Variants in ITGA3 observed in about 807,000 individuals in gnomAD.
ITGA3 encodes the protein integrin subunit alpha 3.
In ITGA3, 70 loss-of-function variants were observed where a neutral mutation model predicts 131.1. The ratio of observed to expected loss-of-function variants is 0.53; its 90% CI spans 0.44 to 0.65. ITGA3 has a LOEUF of 0.65. ITGA3 is among the 30% of genes least tolerant of loss of function. The probability of loss-of-function intolerance (pLI) is 0.00; values close to 1 mark genes in which losing one functional copy is unlikely to be tolerated. For missense variants in ITGA3, 1,098 were observed against 1,388.6 expected (o/e 0.79, Z 3.33); for synonymous variants, 537 against 571.6 (o/e 0.94, Z 0.86).
chr17:50,056,454 C>T lies in ITGA3; in HGVS notation c.15C>T (p.Pro5=), dbSNP rs1422341082. ...CGCTGGCAGCCATGGGCCCCGGCCC[C>T]AGCCGCGCGCCCCGCGCCCCACGCC... The part of the protein sequence containing the change: MGPG[P]SRAPRAPRLM... The change falls in exon 1 of 26, where the codon CCC becomes CCT. Residue 5 remains proline (P), a synonymous_variant. Transcript: ENST00000320031. The surrounding 1 kb of genome is among the most constrained non-coding windows in gnomAD (Gnocchi z 5.6). 4 of 1,534,756 alleles carry T rather than the reference C, an allele frequency of 2.6e-6. No homozygotes were observed. In the African/African-American group the frequency reaches 5.6e-5, roughly 22 times the overall value.
intron 20 of ITGA3, 86 bp downstream of exon 20, chr17:50,079,344 G>T: frequency 6.4e-7 from 1 of 1,560,334 alleles, no homozygotes; most frequent in South Asian, 1.2e-5. Context: ...ATACCCCTTT[G>T]GCAAGCTGTC....
Position 50,068,131 on chromosome 17 carries a change from G to T in ITGA3, c.490G>T (p.Val164Leu). Residue 164 changes from valine to leucine, a missense_variant, in exon 4 of 26, where the codon GTG becomes TTG. This residue lies in a region of ITGA3 where 356 missense variants were observed against 529.2 expected (regional missense o/e 0.67). Transcript: ENST00000320031. ...DQRRMVGKCYVRGNDLELDSS... is the reference protein window; with the variant it reads ...DQRRMVGKCYLRGNDLELDSS... ...GCGGCGCATGGTGGGCAAGTGCTAC[G>T]TGCGAGGCAATGACCTAGAGCTGGA... The T allele has an allele frequency of 6.2e-7, 1 of 1,614,180 alleles. No homozygotes were observed. The highest frequency in any genetic ancestry group is 8.5e-7 in the Non-Finnish European group (1 of 1,180,044).
At chr17:50,061,795 C>T (rs1313460625) in intron 1 of ITGA3, among the ~76,000 whole-genome samples, 1 of 152,104 alleles carries the variant, frequency 6.6e-6, no homozygotes, top group Non-Finnish European at 1.5e-5. Flanking sequence ...ATCCCAGTAA[C>T]TTGGGAGGCC....
intron 1 of ITGA3, 103 bp from the exon 2 acceptor site, chr17:50,063,974 C>G: frequency 6.8e-7 from 1 of 1,479,474 alleles, no homozygotes; most frequent in Non-Finnish European, 9.1e-7. Flanking sequence ...CTGGGGGTCT[C>G]CTGGCACCAA....
intron 7 of ITGA3, among the ~76,000 whole-genome samples, chr17:50,073,629 C>T (rs1157331887): frequency 6.8e-6 from 1 of 146,312 alleles, no homozygotes; most frequent in African/African-American, 2.6e-5. Context: ...CACACACACA[C>T]ACACGCACAC....
Position 50,064,313 on chromosome 17 carries a change from C to T in ITGA3, c.334+109C>T, listed in dbSNP as rs892880600. The T allele has an allele frequency of 4.3e-4, 608 of 1,405,846 alleles. No homozygotes were observed. Among genetic ancestry groups the T allele is most frequent in the Non-Finnish European group, 5.0e-4 (522 of 1,034,090 alleles). The allele number at this position is 1,405,846 out of a possible 1,614,324, so 87.1% of individuals were successfully genotyped here. A position where few individuals can be genotyped will look rare whatever the true frequency, so the allele number is the denominator to read the frequency against. The stretch of plus-strand genomic sequence containing the variant: ...AAGGCTTGTTCACACGGCTTCTAGT[C>T]GCTTCTTGTCCAGCTGGGAAGAGGG... On this transcript the variant is annotated intron_variant, in intron 2 of 25. Transcript: ENST00000320031. This position sits in a 1 kb window ranked among gnomAD's most constrained non-coding sequence, Gnocchi z 4.4.
intron 10 of ITGA3, among the ~76,000 whole-genome samples, chr17:50,075,161 G>A (rs112646417): frequency 3.9e-5 from 6 of 152,282 alleles, no homozygotes; most frequent in East Asian, 1.9e-4. Context: ...GGGATTGGCC[G>A]ACCTAGGTTC....
intron 1 of ITGA3, among the ~76,000 whole-genome samples, chr17:50,059,246 C>T (rs1269690058): frequency 2.0e-5 from 3 of 152,196 alleles, no homozygotes; most frequent in Non-Finnish European, 4.4e-5. Flanking sequence ...GGGACAGGGA[C>T]TGTTCTCTGG....
chr17:50,078,999 G>C, intron 19 of ITGA3, 73 bp downstream of exon 19: 1 of 1,519,996 alleles, frequency 6.6e-7, no homozygotes. Context: ...GGGGTCTGAA[G>C]GTGGGAGGGT....
intron 7 of ITGA3, among the ~76,000 whole-genome samples, chr17:50,073,415 C>T (rs1246041651): frequency 4.6e-5 from 7 of 152,052 alleles, no homozygotes; most frequent in Admixed American, 6.5e-5. Flanking sequence ...ATAGTACCCA[C>T]CCCACAGCAC....
chr17:50,079,288 G>A, intron 20 of ITGA3, 30 bp downstream of exon 20: 1 of 1,608,854 alleles, frequency 6.2e-7, no homozygotes, highest in Non-Finnish European at 8.5e-7. Flanking sequence ...TATTTCATTT[G>A]CATGCTACAG....
Position 50,064,417 on chromosome 17 carries a change from G to T in ITGA3, c.335-111G>T. On this transcript the variant is annotated intron_variant, in intron 2 of 25. Transcript: ENST00000320031. This position sits in a 1 kb window ranked among gnomAD's most constrained non-coding sequence, Gnocchi z 4.4. ...GAGCTGGAGAAGGGGAGTTGGGAGG[G>T]CTGCCCTGTGGGTGGAGGGCCCAAG... 8.4e-7 allele frequency: 1 copy of T among 1,186,004 alleles called. No individual in the cohort carries two copies. The allele number at this position is 1,186,004 out of a possible 1,614,324, so 73.5% of individuals were successfully genotyped here. A position where few individuals can be genotyped will look rare whatever the true frequency, so the allele number is the denominator to read the frequency against.
chr17:50,073,794 G>A (rs960782335), intron 7 of ITGA3, 122 bp from the exon 8 acceptor site: 2 of 720,712 alleles, frequency 2.8e-6, no homozygotes, highest in African/African-American at 1.7e-5. Context: ...GATGCTCTGA[G>A]CCCTGCCCAT....
Position 50,056,607 on chromosome 17 carries a change from C to A in ITGA3, c.168C>A (p.Val56=). The A allele has an allele frequency of 6.3e-7, 1 of 1,599,976 alleles. No individual in the cohort carries two copies. Among genetic ancestry groups the A allele is most frequent in the South Asian group, 1.1e-5 (1 of 88,586 alleles). ...GNPGSLFGYS[V]ALHRQTERQQ... is the part of the protein sequence containing the mutation. ...CGGGCAGCCTCTTCGGCTACTCGGT[C>A]GCCCTCCATCGGCAGACAGAGCGGC... Residue 56 remains valine (V), a synonymous_variant, in exon 1 of 26, where the codon GTC becomes GTA. Transcript: ENST00000320031. This position sits in a 1 kb window ranked among gnomAD's most constrained non-coding sequence, Gnocchi z 5.6.
intron 23 of ITGA3, among the ~76,000 whole-genome samples, chr17:50,082,044 T>C (rs1249481510): frequency 6.6e-6 from 1 of 152,142 alleles, no homozygotes; most frequent in Non-Finnish European, 1.5e-5. Context: ...TGTCACTCTG[T>C]TGCCCCAGCT....
At chr17:50,084,172 A>G (rs947626458) in intron 23 of ITGA3, among the ~76,000 whole-genome samples, 3 of 138,772 alleles carry the variant, frequency 2.2e-5, no homozygotes, top group Non-Finnish European at 3.0e-5. Flanking sequence ...AGAGAAATGT[A>G]GTGAGCCAAG....
At chr17:50,077,915 C>T in intron 16 of ITGA3, 131 bp from the exon 17 acceptor site, 1 of 712,992 alleles carries the variant, frequency 1.4e-6, no homozygotes, top group Non-Finnish European at 2.4e-6. Context: ...GTAGAGACCC[C>T]TCACCCAGAA....
At position 50,087,980 on chromosome 17, in the gene ITGA3, C is replaced by T. The variant is rs535191807; in HGVS notation, c.3045+111C>T. 7.7e-5 allele frequency: 108 copies of T among 1,403,254 alleles called. 3 individuals are homozygous for T. In the African/African-American group the frequency reaches 1.4e-3, roughly 18 times the overall value. The allele number at this position is 1,403,254 out of a possible 1,614,324, so 86.9% of individuals were successfully genotyped here. A position where few individuals can be genotyped will look rare whatever the true frequency, so the allele number is the denominator to read the frequency against. Reference sequence around the variant, plus strand: ...TCCTCCCTTCCATCTCACCCCCACCCTTCCTCCCTGTCCTCTCCACCTTCT... The same window carrying T: ...TCCTCCCTTCCATCTCACCCCCACCTTTCCTCCCTGTCCTCTCCACCTTCT... On this transcript the variant is annotated intron_variant, in intron 24 of 25. Coordinates refer to ENST00000320031, the MANE Select transcript of ITGA3 (RefSeq NM_002204.4).
intron 22 of ITGA3, among the ~76,000 whole-genome samples, chr17:50,080,671 G>A (rs572585946): frequency 3.5e-4 from 53 of 152,116 alleles, no homozygotes; most frequent in Middle Eastern, 3.4e-3. Flanking sequence ...ATCTCTGCGT[G>A]TAAACCCCTA....
Sources: gnomAD v4.1 joint callset for allele counts (sites outside exome capture counted in the v4.1 genomes callset) on GRCh38, gnomAD v4.1.1 for gene constraint, gnomAD v4.1.1 regional missense constraint, Gnocchi (gnomAD v3.1) non-coding constraint, MANE v1.5 for transcripts, NCBI Gene and HGNC (gene_info 2026-07-23, HGNC 2026-07-21) for gene names.